The following CENPE variants were observed in gnomAD, a reference collection of about 807,000 sequenced individuals.
The protein encoded by CENPE is centromere protein E, also known as centromere-associated protein E.
A neutral mutation model predicts 336.1 loss-of-function variants in CENPE; 145 were observed. That is an observed-to-expected ratio of 0.43 (90% CI 0.38 to 0.50). The LOEUF is 0.50. Among genes scored for constraint, CENPE ranks in the 20% least tolerant of loss-of-function variants. CENPE has a pLI of 0.00. For synonymous variants in CENPE, 1,013 were observed against 984.8 expected, an observed-to-expected ratio of 1.03 and a Z score of -0.54; for missense variants, 2,719 against 3,023.3, an observed-to-expected ratio of 0.90 and a Z score of 2.36.
chr4:103,111,937 T>C (rs993566088), intron 46 of CENPE, among the ~76,000 whole-genome samples: 3 of 152,024 alleles, frequency 2.0e-5, no homozygotes, highest in Admixed American at 2.0e-4. Context: ...TTCAATGTGT[T>C]TTTACCCACA....
rs762157678 is a variant in CENPE, at chr4:103,176,029, A to T, written c.1410T>A (p.Asp470Glu). 6.2e-7 allele frequency: 1 copy of T among 1,602,858 alleles called. No homozygotes were observed. The highest frequency in any genetic ancestry group is 1.3e-5 in the African/African-American group (1 of 74,536). Reference protein sequence around the residue: ...EIDESVCSESDVFSNTLDTLS... With the variant: ...EIDESVCSESEVFSNTLDTLS... ...ATGTATCAAGAGTGTTACTGAAAAC[A>T]TCAGACTCTGAACAGACAGCTATAA... Residue 470 changes from aspartate (D) to glutamate (E), a missense_variant, in exon 15 of 49, where the codon GAT becomes GAA. Asp to Glu is a conservative substitution (Grantham distance 45, BLOSUM62 2). Transcript: ENST00000265148.
chr4:103,149,210 T>C lies in CENPE; in HGVS notation c.3595A>G (p.Thr1199Ala). 1 of 1,612,622 alleles carries C rather than the reference T, an allele frequency of 6.2e-7. No individual in the cohort carries two copies. The highest frequency in any genetic ancestry group is 1.3e-5 in the African/African-American group (1 of 75,040). The change falls in exon 27 of 49, where the codon ACC (threonine) becomes GCC (alanine). Residue 1199 changes from threonine to alanine, a missense_variant. By Grantham distance (58) the Thr-to-Ala change is moderately conservative (BLOSUM62 0). Coordinates refer to ENST00000265148, the MANE Select transcript of CENPE (RefSeq NM_001813.3). ...TCCTTTAGAACTTTTCTTTCTTTGG[T>C]TATAGATTTCACTTCCTCATAATTT... Reference protein sequence around the residue: ...NENYEEVKSITKERKVLKELQ... With the variant: ...NENYEEVKSIAKERKVLKELQ...
chr4:103,189,764 T>G (rs2126043683), intron 8 of CENPE, among the ~76,000 whole-genome samples: 1 of 152,230 alleles, frequency 6.6e-6, no homozygotes, highest in East Asian at 1.9e-4. Flanking sequence ...CCACTCCTAT[T>G]CAACATAGTG....
At chr4:103,166,048 A>C (rs907640662) in intron 16 of CENPE, among the ~76,000 whole-genome samples, 3 of 152,086 alleles carry the variant, frequency 2.0e-5, no homozygotes, top group Admixed American at 1.3e-4. Context: ...AATAAGCTTC[A>C]ATTTTTCTTA....
Position 103,122,891 on chromosome 4 carries a change from CTCTTGATGTAACATGAGGAT to C in CENPE, c.7103_7122del (p.Asn2368SerfsTer18). 6.2e-7 allele frequency: 1 copy of C among 1,612,842 alleles called. No homozygotes were observed. ...TATACCTCTGTGGTTAACTGTGTAG[CTCTTGATGTAACATGAGGAT>C]TCTTATTGTCTTGTGTGGTAGGATT... is the stretch of plus-strand genomic sequence containing the variant. On this transcript the variant is annotated frameshift_variant, in exon 43 of 49. Coordinates refer to ENST00000265148, the MANE Select transcript of CENPE (RefSeq NM_001813.3). LOFTEE classifies it high-confidence loss of function.
rs778357071 is a variant in CENPE, at chr4:103,109,133, T to C, written c.7725-44A>G. ...AAAGAGAGACTGTAAGACTTCTTGA[T>C]TCTTAAGATGTATTCACATTTATAT... On this transcript the variant is annotated intron_variant, in intron 47 of 48. Coordinates refer to ENST00000265148, the MANE Select transcript of CENPE (RefSeq NM_001813.3). The C allele has an allele frequency of 2.9e-5, 42 of 1,465,036 alleles. No individual in the cohort carries two copies. In the South Asian group the frequency reaches 5.0e-4, roughly 18 times the overall value. The allele number at this position is 1,465,036 out of a possible 1,614,324, so 90.8% of individuals were successfully genotyped here. A position where few individuals can be genotyped will look rare whatever the true frequency, so the allele number is the denominator to read the frequency against.
At position 103,145,206 on chromosome 4, in the gene CENPE, T is replaced by C; in HGVS notation, c.4701A>G (p.Ile1567Met). Reference sequence around the variant, plus strand: ...TGGTCAACTCGAGCATCTTACTTTCTATACTTTGTAGTGCTGAATCCTTGG... The same window carrying C: ...TGGTCAACTCGAGCATCTTACTTTCCATACTTTGTAGTGCTGAATCCTTGG... The part of the protein sequence containing the change: ...RKAKDSALQS[I>M]ESKMLELTNR... The change falls in exon 32 of 49, where the codon ATA (isoleucine) becomes ATG (methionine). Residue 1567 changes from isoleucine (I) to methionine (M), a missense_variant. Transcript: ENST00000265148. 2 of 1,613,822 alleles carry C rather than the reference T, an allele frequency of 1.2e-6. No individual in the cohort carries two copies. Among genetic ancestry groups the C allele is most frequent in the African/African-American group, 2.7e-5 (2 of 75,054 alleles).
chr4:103,133,820 T>A lies in CENPE; in HGVS notation c.6595A>T (p.Ile2199Phe), dbSNP rs776179883. Residue 2199 changes from isoleucine to phenylalanine, a missense_variant, in exon 41 of 49, where the codon ATT becomes TTT. Physicochemically the swap from Ile to Phe is conservative, Grantham distance 21. Coordinates refer to ENST00000265148, the MANE Select transcript of CENPE (RefSeq NM_001813.3). ...ESINKFEMDF[I>F]DEVEKQKELL... ...TCCTTTTGCTTTTCCACTTCATCAATAAAATCCATTTCAAATTTATTGATG... is the reference window on the plus strand; with the variant it reads ...TCCTTTTGCTTTTCCACTTCATCAAAAAAATCCATTTCAAATTTATTGATG... The A allele has an allele frequency of 6.2e-7, 1 of 1,604,446 alleles. No individual in the cohort carries two copies. Among genetic ancestry groups the A allele is most frequent in the East Asian group, 2.2e-5 (1 of 44,700 alleles).
In CENPE at chr4:103,174,402, A is replaced by G. The variant is rs776329330; in HGVS notation, c.1647+334T>C. Reference sequence around the variant, plus strand: ...TCAGATGACATAATGACAGTTAGATAGCAGGAATAAATTTCAACAGCTCTA... The same window carrying G: ...TCAGATGACATAATGACAGTTAGATGGCAGGAATAAATTTCAACAGCTCTA... On this transcript the variant is annotated intron_variant, in intron 16 of 48. Coordinates refer to ENST00000265148, the MANE Select transcript of CENPE (RefSeq NM_001813.3). Among the ~76,000 whole-genome samples, 45 of 152,148 alleles carry G rather than the reference A, an allele frequency of 3.0e-4. 1 individual carries two copies. The highest frequency in any genetic ancestry group is 1.5e-5 in the Non-Finnish European group (1 of 67,874).
At chr4:103,108,343 C>T (rs1253446265) in intron 48 of CENPE, among the ~76,000 whole-genome samples, 1 of 151,794 alleles carries the variant, frequency 6.6e-6, no homozygotes, top group African/African-American at 2.4e-5. Context: ...TATCAATGTG[C>T]CACCAGGATC....
chr4:103,106,248 C>G lies in CENPE; in HGVS notation c.8080G>C (p.Asp2694His). 6 of 1,596,102 alleles carry G rather than the reference C, an allele frequency of 3.8e-6. No individual in the cohort carries two copies. Among genetic ancestry groups the G allele is most frequent in the Non-Finnish European group, 5.1e-6 (6 of 1,169,936 alleles). The change falls in exon 49 of 49, where the codon GAT becomes CAT. Residue 2694 changes from aspartate to histidine, a missense_variant. By Grantham distance (81) the Asp-to-His change is moderately conservative. Coordinates refer to ENST00000265148, the MANE Select transcript of CENPE (RefSeq NM_001813.3). ...PGPWHASSGKDVPECKTQ is the reference protein window; with the variant it reads ...PGPWHASSGKHVPECKTQ Reference sequence around the variant, plus strand: ...TACTGAGTTTTGCACTCAGGCACATCCTTGCCTGAGGAGGCGTGCCAAGGA... The same window carrying G: ...TACTGAGTTTTGCACTCAGGCACATGCTTGCCTGAGGAGGCGTGCCAAGGA...
rs748583479 is a variant in CENPE, at chr4:103,181,495, TAAA to T, written c.964-42_964-40del. 5 of 1,513,974 alleles carry T rather than the reference TAAA, an allele frequency of 3.3e-6. No homozygotes were observed. In the Admixed American group the frequency reaches 1.3e-4, roughly 39 times the overall value. The allele number at this position is 1,513,974 out of a possible 1,614,324, so 93.8% of individuals were successfully genotyped here. On this transcript the variant is annotated intron_variant, in intron 11 of 48. Coordinates refer to ENST00000265148, the MANE Select transcript of CENPE (RefSeq NM_001813.3). ...ACGAAAGTGCTAAGTGTTCAACACT[TAAA>T]AAAATTCGAATTTAATTAATAATAT... is the stretch of plus-strand genomic sequence containing the variant.
chr4:103,115,047 T>C (rs1749959629), intron 45 of CENPE, among the ~76,000 whole-genome samples: 1 of 152,214 alleles, frequency 6.6e-6, no homozygotes, highest in Admixed American at 6.5e-5. Flanking sequence ...AGTTTACGCA[T>C]TAATCAGTAA....
At position 103,130,910 on chromosome 4, in the gene CENPE, CG is replaced by C. The variant is rs113176035; in HGVS notation, c.6924+1782del. 2.9e-4 allele frequency among the ~76,000 whole-genome samples: 27 copies of C among 94,210 alleles called. 4 individuals carry two copies. Among genetic ancestry groups the C allele is most frequent in the South Asian group, 5.6e-4 (2 of 3,562 alleles). The allele number at this position is 94,210 out of a possible 152,430, so 61.8% of individuals were successfully genotyped here. ...TGTGCTGAATCTGGACTTCTACAAG[CG>C]AAAAAAAAAAAAAAAAGACCTTAAG... is the stretch of plus-strand genomic sequence containing the variant. On this transcript the variant is annotated intron_variant, in intron 42 of 48. Transcript: ENST00000265148.
chr4:103,111,826 C>G (rs1217207436), intron 46 of CENPE, among the ~76,000 whole-genome samples: 1 of 151,978 alleles, frequency 6.6e-6, no homozygotes, highest in African/African-American at 2.4e-5. Context: ...ACAACAGGTA[C>G]TAGGTAACAC....
rs1756227101 is a variant in CENPE, at chr4:103,180,381, T to C, written c.1172A>G (p.Asn391Ser). 1.2e-6 allele frequency: 2 copies of C among 1,613,168 alleles called. No homozygotes were observed. Among genetic ancestry groups the C allele is most frequent in the Non-Finnish European group, 1.7e-6 (2 of 1,179,484 alleles). The change falls in exon 13 of 49, where the codon AAT (asparagine) becomes AGT (serine). Residue 391 changes from asparagine (N) to serine (S), a missense_variant. By Grantham distance (46) the Asn-to-Ser change is conservative. Coordinates refer to ENST00000265148, the MANE Select transcript of CENPE (RefSeq NM_001813.3). ...CCGTGTTAAGTTTTCAATTTTCTCA[T>C]TCTGTACTTTCTGAAGCAAATCTTT... ...EEKDLLQKVQ[N>S]EKIENLTRML... is the part of the protein sequence containing the mutation.
chr4:103,166,283 A>C (rs1319724927), intron 16 of CENPE, among the ~76,000 whole-genome samples: 1 of 152,202 alleles, frequency 6.6e-6, no homozygotes, highest in Non-Finnish European at 1.5e-5. Context: ...GCAACAATTC[A>C]TAATAGGATT....
At chr4:103,167,885 G>A (rs1371199874) in intron 16 of CENPE, among the ~76,000 whole-genome samples, 1 of 152,154 alleles carries the variant, frequency 6.6e-6, no homozygotes, top group Admixed American at 6.5e-5. Context: ...CGGCAGATGG[G>A]CTCTTCTGCC....
intron 39 of CENPE, among the ~76,000 whole-genome samples, chr4:103,137,299 C>G (rs531116193): frequency 6.6e-6 from 1 of 151,982 alleles, no homozygotes; most frequent in Non-Finnish European, 1.5e-5. Context: ...AAATCTGGAC[C>G]CATAGACTCA....
Sources: gnomAD v4.1 joint callset for allele counts (sites outside exome capture counted in the v4.1 genomes callset) on GRCh38, gnomAD v4.1.1 for gene constraint, MANE v1.5 for transcripts, NCBI Gene and HGNC (gene_info 2026-07-23, HGNC 2026-07-21) for gene names.